Variants in PIBF1 observed in about 807,000 individuals in gnomAD.
The protein encoded by PIBF1 is progesterone-induced-blocking factor 1.
In PIBF1, 90 loss-of-function variants were observed where a neutral mutation model predicts 112.5. That is an observed-to-expected ratio of 0.80 (90% confidence interval 0.67 to 0.95). The LOEUF is 0.95. Among genes scored for constraint, PIBF1 ranks in the 40% least tolerant of loss-of-function variants. The pLI is 0.00. For synonymous variants in PIBF1, 301 were observed against 288.6 expected (o/e 1.04, Z -0.44); for missense variants, 915 against 852.3 (o/e 1.07, Z -0.92).
At chr13:72,997,079 G>A (rs1217455480) in intron 16 of PIBF1, among the ~76,000 whole-genome samples, 1 of 152,136 alleles carries the variant, frequency 6.6e-6, no homozygotes, top group African/African-American at 2.4e-5. Context: ...CTAATCTCCT[G>A]ACCACTAAAC....
At chr13:72,959,239 AC>A (rs1307515110) in intron 14 of PIBF1, among the ~76,000 whole-genome samples, 2 of 151,774 alleles carry the variant, frequency 1.3e-5, no homozygotes, top group African/African-American at 4.8e-5. Context: ...CAAGCAATCC[AC>A]CCACCTTGGC....
intron 9 of PIBF1, among the ~76,000 whole-genome samples, chr13:72,849,080 A>G (rs540219557): frequency 6.6e-6 from 1 of 152,236 alleles, no homozygotes; most frequent in Non-Finnish European, 1.5e-5. Flanking sequence ...TTTAAGATTT[A>G]TTTTCTTCAA....
At chr13:72,849,367 A>G (rs1000108081) in intron 9 of PIBF1, among the ~76,000 whole-genome samples, 2 of 152,232 alleles carry the variant, frequency 1.3e-5, no homozygotes, top group Non-Finnish European at 2.9e-5. Flanking sequence ...TGTACATGCT[A>G]CGGATAGCTT....
At chr13:72,969,217 TGG>T (rs1194804629) in intron 15 of PIBF1, among the ~76,000 whole-genome samples, 1 of 152,204 alleles carries the variant, frequency 6.6e-6, no homozygotes. Context: ...AACAAATTTT[TGG>T]TTGAAAATTA....
intron 16 of PIBF1, among the ~76,000 whole-genome samples, chr13:72,980,976 G>C (rs796522246): frequency 1.3e-5 from 2 of 152,200 alleles, no homozygotes; most frequent in African/African-American, 4.8e-5. Flanking sequence ...CAGGCACGGT[G>C]GCTCACGCTT....
At chr13:72,884,086 A>G (rs1258769040) in intron 10 of PIBF1, among the ~76,000 whole-genome samples, 1 of 152,206 alleles carries the variant, frequency 6.6e-6, no homozygotes, top group African/African-American at 2.4e-5. Flanking sequence ...AATATCCCAT[A>G]TACGTACTAC....
chr13:72,822,829 C>A (rs2036620111), intron 6 of PIBF1, among the ~76,000 whole-genome samples: 1 of 152,160 alleles, frequency 6.6e-6, no homozygotes, highest in Non-Finnish European at 1.5e-5. Context: ...CATGGTATTT[C>A]TTATGTATAT....
chr13:72,943,665 A>G (rs1281431701), intron 14 of PIBF1, among the ~76,000 whole-genome samples: 1 of 151,986 alleles, frequency 6.6e-6, no homozygotes, highest in East Asian at 1.9e-4. Context: ...CCTCTTCCCA[A>G]ATCTTCACTT....
At chr13:72,998,708 T>G in intron 16 of PIBF1, 114 bp from the exon 17 acceptor site, 1 of 662,722 alleles carries the variant, frequency 1.5e-6, no homozygotes, top group Admixed American at 3.1e-5. Flanking sequence ...TTTTCACAAC[T>G]TATGTGTGTA....
intron 9 of PIBF1, among the ~76,000 whole-genome samples, chr13:72,852,510 C>G (rs941308884): frequency 6.6e-6 from 1 of 152,140 alleles, no homozygotes; most frequent in Non-Finnish European, 1.5e-5. Context: ...GAGATCCCGG[C>G]CAGTATAGCT....
chr13:72,916,415 T>TA (rs398023388), intron 12 of PIBF1, among the ~76,000 whole-genome samples: 103 of 119,210 alleles, frequency 8.6e-4, no homozygotes, highest in East Asian at 6.1e-3. Flanking sequence ...TATATATATA[T>TA]TTTTTTAATC....
At chr13:72,934,298 T>A (rs1307724834) in intron 14 of PIBF1, among the ~76,000 whole-genome samples, 2 of 152,014 alleles carry the variant, frequency 1.3e-5, no homozygotes, top group Non-Finnish European at 2.9e-5. Flanking sequence ...TTATTTTATT[T>A]TATTATTTAT....
intron 17 of PIBF1, among the ~76,000 whole-genome samples, chr13:73,012,666 G>A (rs2044238755): frequency 1.3e-5 from 2 of 151,524 alleles, no homozygotes; most frequent in East Asian, 3.9e-4. Flanking sequence ...GAAGTGGGAG[G>A]ATCGCTTGAG....
At chr13:72,791,751 G>A (rs1210822087) in intron 2 of PIBF1, among the ~76,000 whole-genome samples, 6 of 151,862 alleles carry the variant, frequency 4.0e-5, no homozygotes, top group Admixed American at 6.6e-5. Context: ...TCCTGCCTCA[G>A]CCTCCTGAGT....
intron 17 of PIBF1, among the ~76,000 whole-genome samples, chr13:73,014,286 T>C (rs910849894): frequency 6.6e-6 from 1 of 152,090 alleles, no homozygotes; most frequent in Non-Finnish European, 1.5e-5. Context: ...ACAATCTCTT[T>C]CATTAGATAG....
At chr13:72,931,107 G>T in intron 13 of PIBF1, 58 bp from the exon 14 acceptor site, 1 of 947,576 alleles carries the variant, frequency 1.1e-6, no homozygotes, top group South Asian at 1.4e-5. Flanking sequence ...AACACATTTT[G>T]AATATTTTGG....
chr13:72,951,413 A>C (rs2042291832), intron 14 of PIBF1, among the ~76,000 whole-genome samples: 1 of 152,208 alleles, frequency 6.6e-6, no homozygotes, highest in African/African-American at 2.4e-5. Context: ...CATTTGTAAA[A>C]TGTTAAGTTC....
chr13:73,013,083 C>T (rs1434253106), intron 17 of PIBF1, among the ~76,000 whole-genome samples: 5 of 151,268 alleles, frequency 3.3e-5, no homozygotes, highest in Admixed American at 1.3e-4. Context: ...GGGCGGATCA[C>T]GAGGTCAGGA....
chr13:73,016,013 T>C lies in PIBF1; in HGVS notation c.*94T>C. The C allele has an allele frequency of 3.7e-6, 2 of 535,732 alleles. No individual in the cohort carries two copies. Among genetic ancestry groups the C allele is most frequent in the South Asian group, 4.3e-5 (1 of 23,062 alleles). 33.2% of individuals were successfully genotyped at this position (535,732 alleles called of 1,614,324 possible). A position where few individuals can be genotyped will look rare whatever the true frequency, so the allele number is the denominator to read the frequency against. On this transcript the variant is annotated 3_prime_UTR_variant, in exon 18 of 18. Transcript: ENST00000326291. ...ATTCAGCTTAATCGTGTACTCAGCA[T>C]TTTTTAAATAACAATGTTTATTTGA...
Sources: gnomAD v4.1 joint callset for allele counts (sites outside exome capture counted in the v4.1 genomes callset) on GRCh38, gnomAD v4.1.1 for gene constraint, MANE v1.5 for transcripts, NCBI Gene and HGNC (gene_info 2026-07-23, HGNC 2026-07-21) for gene names.